The following PYROXD1 variants were observed in gnomAD, a reference collection of about 807,000 sequenced individuals.
PYROXD1 encodes the protein tRNA ligase complex-associated NAD(P)H dehydrogenase PYROXD1.
A neutral mutation model predicts 62.0 loss-of-function variants in PYROXD1; 42 were observed. That is an observed-to-expected ratio of 0.68 (90% CI 0.53 to 0.88). The LOEUF is 0.88. PYROXD1 is among the 40% of genes least tolerant of loss of function. The pLI is 0.00. For missense variants in PYROXD1, 493 were observed against 604.8 expected (o/e 0.82, Z 1.94); for synonymous variants, 170 against 206.4 (o/e 0.82, Z 1.51).
intron 3 of PYROXD1, among the ~76,000 whole-genome samples, chr12:21,446,342 G>A (rs1011764308): frequency 6.6e-6 from 1 of 151,942 alleles, no homozygotes; most frequent in Non-Finnish European, 1.5e-5. Context: ...GGAGAATGGC[G>A]TGAACCCGGG....
chr12:21,465,297 G>A (rs573697137), intron 10 of PYROXD1, among the ~76,000 whole-genome samples: 24 of 152,248 alleles, frequency 1.6e-4, no homozygotes, highest in African/African-American at 5.3e-4. Flanking sequence ...CAGTGTAAAA[G>A]TGTTCCTATT....
chr12:21,463,730 C>G (rs1298812175), intron 10 of PYROXD1, among the ~76,000 whole-genome samples: 2 of 151,690 alleles, frequency 1.3e-5, no homozygotes, highest in Non-Finnish European at 1.5e-5. Flanking sequence ...AAACACCTTT[C>G]CTGAGCCTTA....
At position 21,456,074 on chromosome 12, in the gene PYROXD1, G is replaced by A. The variant is rs1205911414; in HGVS notation, c.729G>A (p.Leu243=). 1.2e-6 allele frequency: 2 copies of A among 1,605,732 alleles called. No homozygotes were observed. The highest frequency in any genetic ancestry group is 2.7e-5 in the African/African-American group (2 of 74,744). Residue 243 remains leucine, a synonymous_variant, in exon 7 of 12, where the codon TTG becomes TTA. Coordinates refer to ENST00000240651, the MANE Select transcript of PYROXD1 (RefSeq NM_024854.5). The part of the protein sequence containing the change: ...SALGPDWHEG[L]NLKGTKEFSH... ...TGGGACCAGATTGGCATGAAGGCTT[G>A]AATCTTAAAGGAACAAAAGAGGTAT...
chr12:21,440,288 A>G (rs1292703349), intron 1 of PYROXD1, 80 bp from the exon 2 acceptor site: 5 of 751,470 alleles, frequency 6.7e-6, no homozygotes, highest in South Asian at 3.7e-5. Context: ...TTAAAATTGC[A>G]TTATTCTCAA....
chr12:21,446,547 G>A (rs1026053376), intron 3 of PYROXD1, among the ~76,000 whole-genome samples: 2 of 151,488 alleles, frequency 1.3e-5, no homozygotes, highest in Non-Finnish European at 2.9e-5. Context: ...CATCTGATAG[G>A]AGTGTTGAGC....
chr12:21,471,202 C>G lies in PYROXD1; in HGVS notation c.*2448C>G, dbSNP rs1942950796. 3 of 1,182,666 alleles carry G rather than the reference C, an allele frequency of 2.5e-6. No homozygotes were observed. Among genetic ancestry groups the G allele is most frequent in the Non-Finnish European group, 3.5e-6 (3 of 857,592 alleles). 73.3% of individuals were successfully genotyped at this position (1,182,666 alleles called of 1,614,324 possible). The stretch of plus-strand genomic sequence containing the variant: ...TGCGCAGTAATTCTTAACACATTGA[C>G]TTGAAATAATAAAATTTACAAGAAT... On this transcript the variant is annotated 3_prime_UTR_variant, in exon 12 of 12. Coordinates refer to ENST00000240651, the MANE Select transcript of PYROXD1 (RefSeq NM_024854.5).
At chr12:21,459,000 ATC>A (rs1214151907) in intron 7 of PYROXD1, among the ~76,000 whole-genome samples, 1 of 152,248 alleles carries the variant, frequency 6.6e-6, no homozygotes, top group Non-Finnish European at 1.5e-5. Context: ...AAAACACACT[ATC>A]TGCAAAACAG....
rs1011782735 is a variant in PYROXD1, at chr12:21,467,335, A to T, written c.1117-146A>T. On this transcript the variant is annotated intron_variant, in intron 10 of 11. Transcript: ENST00000240651. ...ACAAATACCAAAAATCAGTCTGATT[A>T]GTTATCCATTGGTGACTGCTTCTGT... 8.1e-6 allele frequency: 5 copies of T among 616,720 alleles called. No homozygotes were observed. In the African/African-American group the frequency reaches 9.4e-5, roughly 12 times the overall value. 38.2% of individuals were successfully genotyped at this position (616,720 alleles called of 1,614,324 possible). A position where few individuals can be genotyped will look rare whatever the true frequency, so the allele number is the denominator to read the frequency against.
At chr12:21,461,816 G>A (rs937915933) in intron 8 of PYROXD1, among the ~76,000 whole-genome samples, 192 bp from the exon 9 acceptor site, 7 of 152,114 alleles carry the variant, frequency 4.6e-5, no homozygotes, top group Non-Finnish European at 8.8e-5. Context: ...ATACCCAAAC[G>A]AGATGATGCT....
At chr12:21,450,666 A>G (rs1480727817) in intron 4 of PYROXD1, among the ~76,000 whole-genome samples, 92 of 152,330 alleles carry the variant, frequency 6.0e-4, no homozygotes, top group Non-Finnish European at 1.5e-4. Context: ...TTTTGCATTA[A>G]TATAATTTAT....
intron 5 of PYROXD1, among the ~76,000 whole-genome samples, 187 bp downstream of exon 5, chr12:21,452,341 G>T (rs958790293): frequency 6.6e-6 from 1 of 151,796 alleles, no homozygotes; most frequent in African/African-American, 2.4e-5. Context: ...TATTTTTTTA[G>T]CTCTTGTGGA....
At chr12:21,443,220 C>G (rs962943134) in intron 2 of PYROXD1, among the ~76,000 whole-genome samples, 3 of 152,108 alleles carry the variant, frequency 2.0e-5, no homozygotes, top group African/African-American at 7.2e-5. Context: ...ATCTTCTATT[C>G]TTTTTCTCCA....
intron 2 of PYROXD1, among the ~76,000 whole-genome samples, chr12:21,442,698 A>C (rs941475131): frequency 6.6e-6 from 1 of 152,170 alleles, no homozygotes; most frequent in African/African-American, 2.4e-5. Flanking sequence ...TGGAGACAAG[A>C]TATGCCGCCA....
chr12:21,455,356 G>A (rs898546596), intron 6 of PYROXD1, 64 bp downstream of exon 6: 1 of 1,013,852 alleles, frequency 9.9e-7, no homozygotes, highest in East Asian at 2.9e-5. Context: ...ATAGAAAAGG[G>A]CTACAAGAAA....
intron 2 of PYROXD1, among the ~76,000 whole-genome samples, chr12:21,442,468 T>C (rs1300024586): frequency 6.6e-6 from 1 of 152,130 alleles, no homozygotes; most frequent in Admixed American, 6.5e-5. Context: ...ATTGCAGACA[T>C]GTGCAGTGAG....
chr12:21,445,538 C>CT, intron 3 of PYROXD1, 72 bp downstream of exon 3: 1 of 1,416,926 alleles, frequency 7.1e-7, no homozygotes, highest in African/African-American at 1.4e-5. Flanking sequence ...CCTCTTTTCA[C>CT]TCCAGCTCTA....
chr12:21,471,169 T>C lies in PYROXD1; in HGVS notation c.*2415T>C. The stretch of plus-strand genomic sequence containing the variant: ...ACGGAAAACAAATTTATAAAAGAAA[T>C]AACTATATGCGCAGTAATTCTTAAC... On this transcript the variant is annotated 3_prime_UTR_variant, in exon 12 of 12. Transcript: ENST00000240651. The C allele has an allele frequency of 3.6e-6, 5 of 1,388,454 alleles. No individual in the cohort carries two copies. The highest frequency in any genetic ancestry group is 4.8e-6 in the Non-Finnish European group (5 of 1,034,896). The allele number at this position is 1,388,454 out of a possible 1,614,324, so 86.0% of individuals were successfully genotyped here.
At position 21,467,585 on chromosome 12, in the gene PYROXD1, G is replaced by C. The variant is rs778413242; in HGVS notation, c.1221G>C (p.Leu407=). The C allele has an allele frequency of 6.2e-7, 1 of 1,611,586 alleles. No homozygotes were observed. The highest frequency in any genetic ancestry group is 1.7e-5 in the Admixed American group (1 of 59,654). ...DSIDMDFSFE[L]FAHVTKFFNY... ...TTGACATGGATTTCAGCTTTGAACT[G>C]TTTGCTCATGTGACAAAATTTTTTA... Residue 407 remains leucine (L), a synonymous_variant, in exon 11 of 12, where the codon CTG becomes CTC. Transcript: ENST00000240651.
chr12:21,470,805 C>G lies in PYROXD1; in HGVS notation c.*2051C>G, dbSNP rs1306802665. 1 of 466,354 alleles carries G rather than the reference C, an allele frequency of 2.1e-6. No homozygotes were observed. The highest frequency in any genetic ancestry group is 3.5e-6 in the Non-Finnish European group (1 of 288,678). The allele number at this position is 466,354 out of a possible 1,614,324, so 28.9% of individuals were successfully genotyped here. ...CCAGTCTAAATTCTTTCACTTACAT[C>G]TTTACAGAAAACTATATTTTCTCTC... On this transcript the variant is annotated 3_prime_UTR_variant, in exon 12 of 12. Coordinates refer to ENST00000240651, the MANE Select transcript of PYROXD1 (RefSeq NM_024854.5).
Sources: gnomAD v4.1 joint callset for allele counts (sites outside exome capture counted in the v4.1 genomes callset) on GRCh38, gnomAD v4.1.1 for gene constraint, MANE v1.5 for transcripts, NCBI Gene and HGNC (gene_info 2026-07-23, HGNC 2026-07-21) for gene names.